LRP1B: variants seen among roughly 807,000 people sequenced by gnomAD.
The protein encoded by LRP1B is low-density lipoprotein receptor-related protein 1B.
In LRP1B, 217 loss-of-function variants were observed where a neutral mutation model predicts 556.6. The observed-to-expected ratio is 0.39, with a 90% confidence interval of 0.35 to 0.44. The LOEUF is 0.44. LRP1B is among the 20% of genes least tolerant of loss of function. The pLI is 1.00. For synonymous variants in LRP1B, 2,047 were observed against 1,865.8 expected (o/e 1.10, Z -2.50); for missense variants, 5,053 against 5,620.8 (o/e 0.90, Z 3.23).
intron 43 of LRP1B, among the ~76,000 whole-genome samples, chr2:140,552,954 G>C (rs1680599065): frequency 1.3e-5 from 2 of 152,008 alleles, no homozygotes; most frequent in Admixed American, 1.3e-4. Flanking sequence ...TGCCTTGTTG[G>C]TGAAAGCACT....
intron 2 of LRP1B, among the ~76,000 whole-genome samples, chr2:141,674,844 A>C (rs1156389025): frequency 1.3e-5 from 2 of 152,042 alleles, no homozygotes; most frequent in Non-Finnish European, 2.9e-5. Flanking sequence ...AAGGACATGT[A>C]CATTAGACAT....
intron 43 of LRP1B, among the ~76,000 whole-genome samples, chr2:140,593,771 T>C (rs1013813512): frequency 1.1e-4 from 16 of 152,250 alleles, no homozygotes; most frequent in East Asian, 3.9e-4. Context: ...TTATTAAACT[T>C]CAGATTAAAA....
intron 62 of LRP1B, among the ~76,000 whole-genome samples, chr2:140,451,845 TA>T (rs966048320): frequency 3.6e-4 from 53 of 147,740 alleles, no homozygotes; most frequent in African/African-American, 1.2e-3. Context: ...CCAGATTACC[TA>T]AAAAAAAAAC....
intron 68 of LRP1B, among the ~76,000 whole-genome samples, chr2:140,376,557 T>C (rs1223754323): frequency 6.6e-6 from 1 of 152,174 alleles, no homozygotes; most frequent in Admixed American, 6.5e-5. Flanking sequence ...GTAAAAAATG[T>C]AACTCTCCTT....
intron 4 of LRP1B, among the ~76,000 whole-genome samples, chr2:141,250,513 C>T (rs980895733): frequency 6.6e-6 from 1 of 152,136 alleles, no homozygotes; most frequent in South Asian, 2.1e-4. Context: ...CCGTTCCTTG[C>T]CCTATGCATC....
chr2:141,785,816 A>T (rs180912684), intron 2 of LRP1B, among the ~76,000 whole-genome samples: 32 of 151,744 alleles, frequency 2.1e-4, no homozygotes, highest in Admixed American at 1.7e-3. Flanking sequence ...AAGATTTCAC[A>T]CTGTGGAATC....
At chr2:141,964,605 C>T (rs1377812255) in intron 1 of LRP1B, among the ~76,000 whole-genome samples, 24 of 151,928 alleles carry the variant, frequency 1.6e-4, no homozygotes, top group Non-Finnish European at 2.5e-4. Flanking sequence ...CAAGATGGAT[C>T]AAAGATTTAA....
intron 3 of LRP1B, among the ~76,000 whole-genome samples, chr2:141,334,372 T>C (rs778026484): frequency 2.0e-5 from 3 of 152,252 alleles, no homozygotes; most frequent in African/African-American, 7.2e-5. Context: ...GCTCTAGCAA[T>C]GTAAAGACGT....
In LRP1B at chr2:140,369,222, A is replaced by G. The variant is rs1290944173; in HGVS notation, c.11008+1488T>C. ...ATGTAATCAGGTACCTTGAGTAAAA[A>G]CTGACATAATCGGAAGGACACTTAC... On this transcript the variant is annotated intron_variant, in intron 71 of 90. Coordinates refer to ENST00000389484, the MANE Select transcript of LRP1B (RefSeq NM_018557.3). Among the ~76,000 whole-genome samples the G allele has an allele frequency of 2.6e-5, 4 of 151,866 alleles. No individual in the cohort carries two copies. In the East Asian group the frequency reaches 5.8e-4, roughly 22 times the overall value.
In LRP1B at chr2:141,938,333, C is replaced by G. The variant is rs150688727; in HGVS notation, c.83-127932G>C. Among the ~76,000 whole-genome samples, 31 of 152,040 alleles carry G rather than the reference C, an allele frequency of 2.0e-4. 1 individual carries two copies. In the East Asian group the frequency reaches 3.9e-3, roughly 19 times the overall value. On this transcript the variant is annotated intron_variant, in intron 1 of 90. Transcript: ENST00000389484. ...TCTTCCAAAGAAGAAATAAAAATGG[C>G]CAACAGTTATATGAAAATGTGCTCA...
chr2:140,310,585 A>T (rs1275852129), intron 83 of LRP1B, among the ~76,000 whole-genome samples: 1 of 151,834 alleles, frequency 6.6e-6, no homozygotes, highest in Non-Finnish European at 1.5e-5. Context: ...GAACCCAGGA[A>T]TAAAGCTACA....
intron 41 of LRP1B, among the ~76,000 whole-genome samples, chr2:140,677,135 A>G (rs1027049162): frequency 6.6e-6 from 1 of 152,358 alleles, no homozygotes; most frequent in South Asian, 2.1e-4. Context: ...AAACTGTGTC[A>G]GAGGATTGCA....
At chr2:141,604,735 C>T (rs1687855796) in intron 2 of LRP1B, among the ~76,000 whole-genome samples, 1 of 152,132 alleles carries the variant, frequency 6.6e-6, no homozygotes, top group Non-Finnish European at 1.5e-5. Context: ...GCCCTGGACT[C>T]AGCCACACTG....
chr2:140,925,979 C>T (rs1031254476), intron 20 of LRP1B, among the ~76,000 whole-genome samples: 1 of 151,104 alleles, frequency 6.6e-6, no homozygotes, highest in Admixed American at 6.6e-5. Context: ...AGTGAATCCA[C>T]TCATTTGTTT....
In LRP1B at chr2:140,538,673, TA is replaced by T. The variant is rs539373168; in HGVS notation, c.7514-1965del. Among the ~76,000 whole-genome samples the T allele has an allele frequency of 5.3e-4, 81 of 151,976 alleles. 1 individual carries two copies. In the South Asian group the frequency reaches 0.015, roughly 27 times the overall value. ...AATTTAAAACAGAACAATATTAAAT[TA>T]AAAAAAATAAAAGGGTGCTAATATT... On this transcript the variant is annotated intron_variant, in intron 45 of 90. Transcript: ENST00000389484.
chr2:140,724,970 A>G lies in LRP1B; in HGVS notation c.5759-8154T>C, dbSNP rs554827348. 3.3e-5 allele frequency among the ~76,000 whole-genome samples: 5 copies of G among 152,286 alleles called. No individual in the cohort carries two copies. In the East Asian group the frequency reaches 9.6e-4, roughly 29 times the overall value. On this transcript the variant is annotated intron_variant, in intron 35 of 90. Coordinates refer to ENST00000389484, the MANE Select transcript of LRP1B (RefSeq NM_018557.3). The stretch of plus-strand genomic sequence containing the variant: ...TATTTTTTTACTGTCATTTATCCTC[A>G]GTGAACTTAATAGGTAGGCCCAGGA...
intron 51 of LRP1B, among the ~76,000 whole-genome samples, chr2:140,513,687 A>T (rs34751400): frequency 0.72 from 108,599 of 151,736 alleles, 39,402 homozygotes; most frequent in Middle Eastern, 0.83. Context: ...TTGAATACTA[A>T]AAAATACCGC....
At chr2:140,446,030 A>C (rs1686644822) in intron 63 of LRP1B, among the ~76,000 whole-genome samples, 1 of 146,342 alleles carries the variant, frequency 6.8e-6, no homozygotes, top group Non-Finnish European at 1.5e-5. Flanking sequence ...AAATAACTCT[A>C]TATATGGTCT....
chr2:142,100,970 G>A (rs914391888), intron 1 of LRP1B, among the ~76,000 whole-genome samples: 7 of 152,010 alleles, frequency 4.6e-5, no homozygotes, highest in African/African-American at 1.7e-4. Flanking sequence ...GAAAGGAAGA[G>A]AGGGAAAGAG....
Sources: allele counts gnomAD v4.1 joint callset (sites outside exome capture counted in the v4.1 genomes callset), GRCh38; gene constraint gnomAD v4.1.1; transcripts MANE v1.5; gene names NCBI Gene and HGNC (gene_info 2026-07-23, HGNC 2026-07-21).